Variants in SHISA9 observed in about 807,000 individuals in gnomAD.
SHISA9 encodes shisa family member 9, also known as protein shisa-9.
A neutral mutation model predicts 38.0 loss-of-function variants in SHISA9; 13 were observed. That is an observed-to-expected ratio of 0.34 (90% CI 0.22 to 0.54). SHISA9 has a LOEUF of 0.54. SHISA9 is among the 20% of genes least tolerant of loss of function. The probability of loss-of-function intolerance (pLI) is 0.91; values close to 1 mark genes in which losing one functional copy is unlikely to be tolerated. For synonymous variants in SHISA9, 275 were observed against 242.0 expected (o/e 1.14, Z -1.27); for missense variants, 538 against 575.8 (o/e 0.93, Z 0.67).
the SHISA9 span, among the ~76,000 whole-genome samples, chr16:13,443,370 A>G: frequency 3.9e-5 from 6 of 152,314 alleles, no homozygotes; most frequent in South Asian, 1.2e-3. Flanking sequence ...CTGAGTTTGA[A>G]TTCCAATTTG....
chr16:12,959,928 AC>A (rs1484812429), intron 2 of SHISA9, among the ~76,000 whole-genome samples: 14 of 152,238 alleles, frequency 9.2e-5, no homozygotes, highest in African/African-American at 3.4e-4. Context: ...AACCAGCCAC[AC>A]AAAGATAGTT....
chr16:13,077,243 CT>C (rs11320901), intron 2 of SHISA9, among the ~76,000 whole-genome samples: 10,094 of 144,238 alleles, frequency 0.07, 997 homozygotes, highest in African/African-American at 0.23. Context: ...TCTTCTTCTT[CT>C]TTTTTTTTTT....
the SHISA9 span, among the ~76,000 whole-genome samples, chr16:13,287,957 T>C: frequency 6.6e-6 from 1 of 152,110 alleles, no homozygotes. Flanking sequence ...ACAGGTCCAT[T>C]CACAGAGAAG....
intron 2 of SHISA9, among the ~76,000 whole-genome samples, chr16:12,964,074 C>A (rs187636497): frequency 8.4e-4 from 128 of 152,292 alleles, no homozygotes; most frequent in African/African-American, 2.9e-3. Context: ...TTCATTAGAA[C>A]AAATTGCTGC....
the SHISA9 span, among the ~76,000 whole-genome samples, chr16:13,422,180 T>A: frequency 7.2e-5 from 11 of 152,106 alleles, no homozygotes; most frequent in Admixed American, 2.6e-4. Flanking sequence ...TGGCAAATGC[T>A]CCCCATGGAG....
At chr16:13,186,150 A>C (rs2050819830) in intron 2 of SHISA9, among the ~76,000 whole-genome samples, 1 of 152,136 alleles carries the variant, frequency 6.6e-6, no homozygotes. Flanking sequence ...TTATCTTCAA[A>C]ATGAATACAA....
At chr16:12,970,377 ATATACATAT>A (rs1396228840) in intron 2 of SHISA9, among the ~76,000 whole-genome samples, 2 of 78,650 alleles carry the variant, frequency 2.5e-5, no homozygotes, top group Non-Finnish European at 2.3e-5. Context: ...ATACATATAT[ATATACATAT>A]ATGTATATAT....
chr16:13,027,410 C>G (rs1227288617), intron 2 of SHISA9, among the ~76,000 whole-genome samples: 1 of 152,270 alleles, frequency 6.6e-6, no homozygotes, highest in African/African-American at 2.4e-5. Context: ...CCAATATACA[C>G]TTAGCATGCA....
chr16:13,172,411 G>A (rs1266292379), intron 2 of SHISA9, among the ~76,000 whole-genome samples: 1 of 152,230 alleles, frequency 6.6e-6, no homozygotes, highest in Non-Finnish European at 1.5e-5. Flanking sequence ...GTAACTGGCT[G>A]GTTGTTCATC....
At chr16:12,903,361 G>C (rs1365078664) in intron 1 of SHISA9, among the ~76,000 whole-genome samples, 2 of 152,170 alleles carry the variant, frequency 1.3e-5, no homozygotes, top group African/African-American at 4.8e-5. Flanking sequence ...CCGGGGGCCC[G>C]AGCCCCCTCC....
chr16:13,070,937 T>C lies in SHISA9; in HGVS notation c.692-132457T>C, dbSNP rs2073506438. Reference sequence around the variant, plus strand: ...GGACCATGAGGATAGATTAGATAGCTCCTTAATGTTCTCTTGCTTTCCTCC... The same window carrying C: ...GGACCATGAGGATAGATTAGATAGCCCCTTAATGTTCTCTTGCTTTCCTCC... On this transcript the variant is annotated intron_variant, in intron 2 of 4. Coordinates refer to ENST00000558583, the MANE Select transcript of SHISA9 (RefSeq NM_001145204.3). Among the ~76,000 whole-genome samples, 3 of 152,128 alleles carry C rather than the reference T, an allele frequency of 2.0e-5. No individual in the cohort carries two copies. The South Asian group carries it at 6.2e-4, about 32-fold the overall frequency.
At position 13,204,088 on chromosome 16, in the gene SHISA9, CTATCTA is replaced by C. The variant is rs140506916; in HGVS notation, c.847+544_847+549del. Among the ~76,000 whole-genome samples, 1,125 of 152,242 alleles carry C rather than the reference CTATCTA, an allele frequency of 7.4e-3. 13 individuals are homozygous for C. Among genetic ancestry groups the C allele is most frequent in the African/African-American group, 0.026 (1,064 of 41,550 alleles). The stretch of plus-strand genomic sequence containing the variant: ...ATCTACCTATCCACTTATCTATTAT[CTATCTA>C]TATCATCTGTCTACCTATTATCTAT... On this transcript the variant is annotated intron_variant, in intron 3 of 4. Coordinates refer to ENST00000558583, the MANE Select transcript of SHISA9 (RefSeq NM_001145204.3).
intron 2 of SHISA9, among the ~76,000 whole-genome samples, chr16:13,183,102 T>G (rs2050791582): frequency 6.6e-6 from 1 of 152,226 alleles, no homozygotes; most frequent in Admixed American, 6.5e-5. Context: ...GCCTGGCATT[T>G]GATGACCTAG....
At chr16:13,164,532 A>G (rs1408093919) in intron 2 of SHISA9, among the ~76,000 whole-genome samples, 1 of 152,042 alleles carries the variant, frequency 6.6e-6, no homozygotes, top group Admixed American at 6.6e-5. Context: ...AATGTTTTGG[A>G]AAAGGTTTTG....
chr16:13,476,738 G>GTGTTTTTTTTTTTTT, the SHISA9 span, among the ~76,000 whole-genome samples: 1 of 65,182 alleles, frequency 1.5e-5, no homozygotes, highest in African/African-American at 5.5e-5. Flanking sequence ...CCTGTTTTGT[G>GTGTTTTTTTTTTTTT]TTTTTTTTTT....
chr16:13,199,460 T>C (rs889000124), intron 2 of SHISA9, among the ~76,000 whole-genome samples: 5 of 152,208 alleles, frequency 3.3e-5, no homozygotes, highest in African/African-American at 1.2e-4. Flanking sequence ...AGTTTCAGCT[T>C]CCCAGAGGAA....
At chr16:13,216,692 G>A (rs1201618629) in intron 4 of SHISA9, among the ~76,000 whole-genome samples, 1 of 152,166 alleles carries the variant, frequency 6.6e-6, no homozygotes, top group Non-Finnish European at 1.5e-5. Context: ...GGGGAGCAGT[G>A]GGGGAGATGG....
the SHISA9 span, among the ~76,000 whole-genome samples, chr16:13,550,387 A>G: frequency 6.6e-6 from 1 of 152,230 alleles, no homozygotes; most frequent in Non-Finnish European, 1.5e-5. Context: ...TATAATTTGA[A>G]CTTTCTAAAA....
chr16:13,260,526 C>G, the SHISA9 span, among the ~76,000 whole-genome samples: 5 of 152,148 alleles, frequency 3.3e-5, no homozygotes, highest in African/African-American at 9.7e-5. Flanking sequence ...TGTCACCAGT[C>G]TTTGCTAAAA....
Sources: gnomAD v4.1 joint callset for allele counts (sites outside exome capture counted in the v4.1 genomes callset) on GRCh38, gnomAD v4.1.1 for gene constraint, MANE v1.5 for transcripts, NCBI Gene and HGNC (gene_info 2026-07-23, HGNC 2026-07-21) for gene names.